Variants in B4GALT5 observed in about 807,000 individuals in gnomAD.
B4GALT5 encodes beta-1,4-galactosyltransferase 5, also known as UDP-Gal:beta-GlcNAc beta-1,4-galactosyltransferase 5.
B4GALT5 carries 11 observed loss-of-function variants against 45.0 expected under a neutral mutation model. The observed-to-expected ratio is 0.24, with a 90% CI of 0.15 to 0.40. The LOEUF (loss-of-function observed/expected upper bound fraction) is 0.40. Among genes scored for constraint, B4GALT5 ranks in the 10% least tolerant of loss-of-function variants. B4GALT5 has a pLI of 1.00. For missense variants in B4GALT5, 337 were observed against 500.2 expected, an observed-to-expected ratio of 0.67 and a Z score of 3.11; for synonymous variants, 185 against 182.9, an observed-to-expected ratio of 1.01 and a Z score of -0.09.
At chr20:49,705,946 AAGG>A (rs956645503) in intron 1 of B4GALT5, among the ~76,000 whole-genome samples, 9 of 151,806 alleles carry the variant, frequency 5.9e-5, no homozygotes, top group Non-Finnish European at 1.3e-4. Flanking sequence ...TTGGAAGGCC[AAGG>A]AGGACGGATC....
At chr20:49,698,629 T>G (rs1036821704) in intron 1 of B4GALT5, among the ~76,000 whole-genome samples, 2 of 151,892 alleles carry the variant, frequency 1.3e-5, no homozygotes, top group African/African-American at 4.8e-5. Context: ...CACACAAGCA[T>G]GAACCACACA....
At chr20:49,707,543 A>G (rs1202662874) in intron 1 of B4GALT5, among the ~76,000 whole-genome samples, 2 of 152,168 alleles carry the variant, frequency 1.3e-5, no homozygotes, top group African/African-American at 2.4e-5. Context: ...ACTACACTTG[A>G]ATGGGGAAAA....
intron 5 of B4GALT5, among the ~76,000 whole-genome samples, chr20:49,641,119 AAAAAG>A (rs2122996129): frequency 8.2e-6 from 1 of 121,588 alleles, no homozygotes; most frequent in South Asian, 2.6e-4. Flanking sequence ...CATCTCCAAA[AAAAAG>A]AAAAAGAAAA....
intron 2 of B4GALT5, among the ~76,000 whole-genome samples, chr20:49,656,272 C>T (rs760607363): frequency 2.6e-5 from 4 of 152,170 alleles, no homozygotes; most frequent in African/African-American, 7.2e-5. Context: ...CAGAAGCAGA[C>T]GCTGGCATCA....
intron 1 of B4GALT5, among the ~76,000 whole-genome samples, chr20:49,676,200 A>T (rs188373548): frequency 0.011 from 1,593 of 151,558 alleles, 44 homozygotes; most frequent in Admixed American, 0.062. Flanking sequence ...AGAGAGAGAG[A>T]GTGTGTGTGT....
At chr20:49,707,913 CTTT>C (rs757359416) in intron 1 of B4GALT5, among the ~76,000 whole-genome samples, 3 of 135,868 alleles carry the variant, frequency 2.2e-5, no homozygotes, top group Non-Finnish European at 3.2e-5. Flanking sequence ...CTTGCCCAGC[CTTT>C]TTTTTTTTTT....
At chr20:49,684,895 C>G (rs1180887395) in intron 1 of B4GALT5, among the ~76,000 whole-genome samples, 1 of 152,106 alleles carries the variant, frequency 6.6e-6, no homozygotes, top group Non-Finnish European at 1.5e-5. Context: ...ATGTAGATTC[C>G]AGAGTGATTG....
chr20:49,710,878 A>T (rs1189716636), intron 1 of B4GALT5, among the ~76,000 whole-genome samples: 3 of 152,094 alleles, frequency 2.0e-5, no homozygotes, highest in Non-Finnish European at 4.4e-5. Context: ...ATTTAAGTTC[A>T]ACAGAGCCTG....
intron 1 of B4GALT5, among the ~76,000 whole-genome samples, chr20:49,704,905 G>T (rs2085878075): frequency 2.0e-5 from 3 of 152,056 alleles, no homozygotes; most frequent in Non-Finnish European, 4.4e-5. Flanking sequence ...GTTCGCTTCT[G>T]ATTGCTGCAA....
intron 1 of B4GALT5, among the ~76,000 whole-genome samples, chr20:49,683,729 G>C (rs190067963): frequency 1.1e-4 from 16 of 152,132 alleles, no homozygotes; most frequent in Admixed American, 3.9e-4. Context: ...TTAAATTCTA[G>C]TCAGCTGAAT....
At chr20:49,666,005 T>G (rs1190935376) in intron 1 of B4GALT5, among the ~76,000 whole-genome samples, 6 of 152,072 alleles carry the variant, frequency 3.9e-5, no homozygotes, top group African/African-American at 1.4e-4. Context: ...GGTCTGAACT[T>G]GATTCTGAAA....
chr20:49,639,915 T>A, intron 6 of B4GALT5, 115 bp from the exon 7 acceptor site: 1 of 1,372,042 alleles, frequency 7.3e-7, no homozygotes, highest in South Asian at 1.4e-5. Context: ...ACCTGAACCA[T>A]ATGAATGTAT....
chr20:49,664,753 T>C (rs1450847128), intron 1 of B4GALT5, among the ~76,000 whole-genome samples: 2 of 152,168 alleles, frequency 1.3e-5, no homozygotes, highest in Non-Finnish European at 1.5e-5. Context: ...GAGATGTATA[T>C]TGAAGTATTT....
At chr20:49,679,251 AG>A (rs1223181533) in intron 1 of B4GALT5, among the ~76,000 whole-genome samples, 1 of 152,202 alleles carries the variant, frequency 6.6e-6, no homozygotes, top group East Asian at 1.9e-4. Context: ...TTGACTAAAA[AG>A]GGTTTTTTGC....
intron 1 of B4GALT5, among the ~76,000 whole-genome samples, chr20:49,711,162 C>T (rs2085909483): frequency 1.3e-5 from 2 of 151,732 alleles, no homozygotes; most frequent in Non-Finnish European, 2.9e-5. Context: ...CCCTTTCTCA[C>T]GAACAAAATT....
Position 49,633,229 on chromosome 20 carries a change from A to G in B4GALT5, c.*3083T>C, listed in dbSNP as rs1176891252. On this transcript the variant is annotated 3_prime_UTR_variant, in exon 9 of 9. Transcript: ENST00000371711. Reference sequence around the variant, plus strand: ...TCCATGTGGCTCCTGCTCAGCTATTAATGTCTGTGGTAGAGGATCTCTGAC... The same window carrying G: ...TCCATGTGGCTCCTGCTCAGCTATTGATGTCTGTGGTAGAGGATCTCTGAC... The G allele has an allele frequency of 6.6e-6, 1 of 152,640 alleles. No individual in the cohort carries two copies. Among genetic ancestry groups the G allele is most frequent in the Non-Finnish European group, 1.5e-5 (1 of 68,044 alleles). 9.5% of individuals were successfully genotyped at this position (152,640 alleles called of 1,614,324 possible).
chr20:49,636,223 G>A lies in B4GALT5; in HGVS notation c.*89C>T. 6.8e-7 allele frequency: 1 copy of A among 1,463,696 alleles called. No individual in the cohort carries two copies. The highest frequency in any genetic ancestry group is 9.4e-7 in the Non-Finnish European group (1 of 1,066,598). The allele number at this position is 1,463,696 out of a possible 1,614,324, so 90.7% of individuals were successfully genotyped here. A position where few individuals can be genotyped will look rare whatever the true frequency, so the allele number is the denominator to read the frequency against. On this transcript the variant is annotated 3_prime_UTR_variant, in exon 9 of 9. Transcript: ENST00000371711. ...TGAGACACAGTATTTCTGTTCTCTT[G>A]CTGTGTAGACCCTCCCCCCTCCAAA...
chr20:49,644,401 TGAG>T (rs2085590548), intron 3 of B4GALT5, among the ~76,000 whole-genome samples: 1 of 152,158 alleles, frequency 6.6e-6, no homozygotes, highest in African/African-American at 2.4e-5. Context: ...TGAGCTTTTC[TGAG>T]AAGAAGGAGA....
chr20:49,704,445 C>T (rs953707108), intron 1 of B4GALT5, among the ~76,000 whole-genome samples: 5 of 152,240 alleles, frequency 3.3e-5, no homozygotes, highest in South Asian at 2.1e-4. Context: ...TGCGGCCGGG[C>T]GCGGTGGCTC....
Sources: gnomAD v4.1 joint callset for allele counts (sites outside exome capture counted in the v4.1 genomes callset) on GRCh38, gnomAD v4.1.1 for gene constraint, MANE v1.5 for transcripts, NCBI Gene and HGNC (gene_info 2026-07-23, HGNC 2026-07-21) for gene names.